IL1RAPL1: variants seen among roughly 807,000 people sequenced by gnomAD.
The protein encoded by IL1RAPL1 is interleukin-1 receptor accessory protein-like 1.
A neutral mutation model predicts 48.4 loss-of-function variants in IL1RAPL1; 3 were observed. The ratio of observed to expected loss-of-function variants is 0.06; its 90% CI spans 0.03 to 0.16. IL1RAPL1 has a LOEUF of 0.16. IL1RAPL1 is among the 10% of genes least tolerant of loss of function. The pLI is 1.00. For synonymous variants in IL1RAPL1, 185 were observed against 187.7 expected (o/e 0.99, Z 0.12); for missense variants, 349 against 530.6 (o/e 0.66, Z 3.36).
chrX:29,389,145 A>G (rs1275008937), intron 3 of IL1RAPL1, among the ~76,000 whole-genome samples: 2 of 110,487 alleles, frequency 1.8e-5, no homozygotes, highest in Admixed American at 9.8e-5. Flanking sequence ...TCACGAGGTC[A>G]GGAGATCAAG....
At chrX:29,584,419 C>T (rs1320064510) in intron 5 of IL1RAPL1, among the ~76,000 whole-genome samples, 1 of 111,180 alleles carries the variant, frequency 9.0e-6, no homozygotes, top group Non-Finnish European at 1.9e-5. Context: ...TGCAATATGC[C>T]TAAAATTTCT....
chrX:28,641,449 T>C (rs903781070), intron 1 of IL1RAPL1, among the ~76,000 whole-genome samples: 3 of 111,712 alleles, frequency 2.7e-5, no homozygotes, highest in African/African-American at 9.8e-5. Context: ...CACAGTTTCT[T>C]TATCCAGTCT....
At chrX:29,789,779 T>C (rs1185107974) in intron 6 of IL1RAPL1, among the ~76,000 whole-genome samples, 1 of 83,283 alleles carries the variant, frequency 1.2e-5, no homozygotes, top group African/African-American at 5.1e-5. Flanking sequence ...TTCATGAGTT[T>C]CTTTTTTTTT....
chrX:28,925,680 T>C (rs1453407298), intron 2 of IL1RAPL1, among the ~76,000 whole-genome samples: 1 of 111,867 alleles, frequency 8.9e-6, no homozygotes. Flanking sequence ...TAAAGCACTT[T>C]GGGAGGCTGA....
At chrX:28,967,923 A>G (rs1435977519) in intron 2 of IL1RAPL1, among the ~76,000 whole-genome samples, 1 of 112,090 alleles carries the variant, frequency 8.9e-6, no homozygotes, top group African/African-American at 3.2e-5. Context: ...GCAGTTAGAA[A>G]TCTTGTGCCT....
At chrX:29,488,668 C>T (rs1935123629) in intron 5 of IL1RAPL1, among the ~76,000 whole-genome samples, 1 of 110,581 alleles carries the variant, frequency 9.0e-6, no homozygotes, top group Non-Finnish European at 1.9e-5. Flanking sequence ...AGAGGTGGTG[C>T]ATATATAACT....
At chrX:28,745,263 T>G (rs1935960538) in intron 1 of IL1RAPL1, among the ~76,000 whole-genome samples, 1 of 111,880 alleles carries the variant, frequency 8.9e-6, no homozygotes, top group Non-Finnish European at 1.9e-5. Context: ...ATTCTCACGT[T>G]CATTACCTTC....
intron 6 of IL1RAPL1, among the ~76,000 whole-genome samples, chrX:29,782,014 T>C (rs1351203944): frequency 9.0e-6 from 1 of 111,375 alleles, no homozygotes; most frequent in Admixed American, 9.6e-5. Context: ...AATGCACTGA[T>C]TGATTGGTTG....
At chrX:29,130,595 G>C (rs1262683933) in intron 2 of IL1RAPL1, among the ~76,000 whole-genome samples, 1 of 112,012 alleles carries the variant, frequency 8.9e-6, no homozygotes, top group Non-Finnish European at 1.9e-5. Flanking sequence ...ACTTTAAATT[G>C]TGCCACTTAA....
chrX:29,262,349 G>T (rs747533960), intron 2 of IL1RAPL1, among the ~76,000 whole-genome samples: 4 of 111,216 alleles, frequency 3.6e-5, no homozygotes, highest in African/African-American at 9.8e-5. Flanking sequence ...AATCTTTATT[G>T]CTTTGAGTAT....
chrX:28,651,941 T>C (rs1018435262), intron 1 of IL1RAPL1, among the ~76,000 whole-genome samples: 22 of 111,735 alleles, frequency 2.0e-4, no homozygotes, highest in African/African-American at 6.5e-4. Flanking sequence ...TTTGGTTTAC[T>C]GTAGTCTTTA....
intron 1 of IL1RAPL1, among the ~76,000 whole-genome samples, chrX:28,782,248 A>G (rs745478613): frequency 1.1e-4 from 12 of 111,683 alleles, no homozygotes; most frequent in Non-Finnish European, 1.9e-4. Flanking sequence ...AACTTTCCCT[A>G]TACAATTTAT....
intron 2 of IL1RAPL1, among the ~76,000 whole-genome samples, chrX:29,258,805 G>A (rs1297980336): frequency 9.0e-6 from 1 of 111,109 alleles, no homozygotes; most frequent in East Asian, 2.8e-4. Flanking sequence ...CTAAATGGAT[G>A]TCAGGTGTGC....
intron 1 of IL1RAPL1, among the ~76,000 whole-genome samples, chrX:28,656,752 C>A (rs755870832): frequency 4.0e-4 from 45 of 111,692 alleles, no homozygotes; most frequent in Non-Finnish European, 7.5e-4. Context: ...TACGGCCGGG[C>A]GTGGTGGCTC....
intron 6 of IL1RAPL1, among the ~76,000 whole-genome samples, chrX:29,866,559 G>T (rs1931699130): frequency 9.2e-6 from 1 of 109,136 alleles, no homozygotes; most frequent in African/African-American, 3.3e-5. Context: ...CAAATAGATT[G>T]TGAAATATTT....
intron 3 of IL1RAPL1, among the ~76,000 whole-genome samples, chrX:29,319,564 A>G (rs1315151499): frequency 9.4e-6 from 1 of 105,909 alleles, no homozygotes; most frequent in Non-Finnish European, 1.9e-5. Context: ...GTATGTATCT[A>G]TCTATCTATC....
intron 5 of IL1RAPL1, among the ~76,000 whole-genome samples, chrX:29,534,694 C>T (rs974351315): frequency 6.4e-5 from 7 of 110,071 alleles, no homozygotes; most frequent in Non-Finnish European, 9.5e-5. Flanking sequence ...TTAGGCCGGG[C>T]GCGGTGGCTC....
Position 29,464,401 on chromosome X carries a change from G to C in IL1RAPL1, c.703+65093G>C, listed in dbSNP as rs147468336. On this transcript the variant is annotated intron_variant, in intron 5 of 10. Transcript: ENST00000378993. ...TGAGTTGTGCAATGGGATGTCACTG[G>C]AAAGATAAGACATAAAGTGTTATTT... is the stretch of plus-strand genomic sequence containing the variant. Among the ~76,000 whole-genome samples the C allele has an allele frequency of 5.2e-3, 582 of 111,482 alleles. 3 individuals are homozygous for C. Among genetic ancestry groups the C allele is most frequent in the African/African-American group, 0.016 (502 of 30,649 alleles).
At chrX:29,195,038 A>T (rs2147529723) in intron 2 of IL1RAPL1, among the ~76,000 whole-genome samples, 1 of 111,761 alleles carries the variant, frequency 8.9e-6, no homozygotes, top group Admixed American at 9.6e-5. Context: ...CTCTGACTCC[A>T]AGTCCAGAAC....
Sources: gnomAD v4.1 joint callset for allele counts (sites outside exome capture counted in the v4.1 genomes callset) on GRCh38, gnomAD v4.1.1 for gene constraint, MANE v1.5 for transcripts, NCBI Gene and HGNC (gene_info 2026-07-23, HGNC 2026-07-21) for gene names.